The following PLA2G4C variants were observed in gnomAD, a reference collection of about 807,000 sequenced individuals.
The protein encoded by PLA2G4C is phospholipase A2 group IVC.
PLA2G4C carries 64 observed loss-of-function variants against 73.8 expected under a neutral mutation model. The ratio of observed to expected loss-of-function variants is 0.87; its 90% CI spans 0.71 to 1.07. PLA2G4C has a LOEUF of 1.07. PLA2G4C is among the 50% of genes least tolerant of loss of function. The pLI is 0.00. For synonymous variants in PLA2G4C, 254 were observed against 252.1 expected (o/e 1.01, Z -0.07); for missense variants, 622 against 665.4 (o/e 0.93, Z 0.72).
At chr19:48,092,306 C>T (rs908367550) in intron 7 of PLA2G4C, among the ~76,000 whole-genome samples, 12 of 152,182 alleles carry the variant, frequency 7.9e-5, no homozygotes, top group Non-Finnish European at 2.9e-5. Context: ...GCCTCGGCCT[C>T]CCAAAGTGCT....
chr19:48,097,972 T>C, intron 6 of PLA2G4C, 167 bp downstream of exon 6: 1 of 685,170 alleles, frequency 1.5e-6, no homozygotes, highest in Non-Finnish European at 2.4e-6. Context: ...TGGTCACTTC[T>C]GGGACTTCCC....
At chr19:48,066,958 G>GACAC (rs200703260) in intron 13 of PLA2G4C, among the ~76,000 whole-genome samples, 2,127 of 143,884 alleles carry the variant, frequency 0.015, 19 homozygotes, top group African/African-American at 0.028. Flanking sequence ...AACAGAGCAA[G>GACAC]ACACACACAC....
At chr19:48,081,972 TA>T (rs2030602170) in intron 10 of PLA2G4C, among the ~76,000 whole-genome samples, 1 of 151,618 alleles carries the variant, frequency 6.6e-6, no homozygotes, top group South Asian at 2.1e-4. Flanking sequence ...TTCCACCTAC[TA>T]GGGAGGCTGA....
intron 13 of PLA2G4C, among the ~76,000 whole-genome samples, chr19:48,065,192 A>G (rs1335164151): frequency 6.9e-6 from 1 of 145,952 alleles, no homozygotes; most frequent in Non-Finnish European, 1.5e-5. Context: ...TCAATCAAAT[A>G]TATCTAAGAT....
At chr19:48,054,468 A>G (rs1012955570) in intron 15 of PLA2G4C, among the ~76,000 whole-genome samples, 2 of 146,638 alleles carry the variant, frequency 1.4e-5, no homozygotes, top group African/African-American at 5.3e-5. Context: ...CAAGCCCAGC[A>G]ATTTATTTTT....
chr19:48,061,660 C>G (rs374758930), intron 14 of PLA2G4C: 2 of 271,208 alleles, frequency 7.4e-6, no homozygotes, highest in Non-Finnish European at 1.4e-5. Context: ...GGGCTGGAGA[C>G]GTGCACACCC....
rs910672152 is a variant in PLA2G4C, at chr19:48,095,334, G to C, written c.709+130C>G. The C allele has an allele frequency of 3.4e-5, 27 of 805,698 alleles. No homozygotes were observed. The African/African-American group carries it at 3.8e-4, about 11-fold the overall frequency. 49.9% of individuals were successfully genotyped at this position (805,698 alleles called of 1,614,324 possible). A position where few individuals can be genotyped will look rare whatever the true frequency, so the allele number is the denominator to read the frequency against. On this transcript the variant is annotated intron_variant, in intron 7 of 16. Coordinates refer to ENST00000599921, the MANE Select transcript of PLA2G4C (RefSeq NM_003706.3). ...AAGGAATACACCATTCCTCTTTCTG[G>C]AAGCCTACCAAGTCCTTTTCTTTCC... is the stretch of plus-strand genomic sequence containing the variant.
chr19:48,095,346 G>T, intron 7 of PLA2G4C, 118 bp downstream of exon 7: 1 of 901,922 alleles, frequency 1.1e-6, no homozygotes, highest in Non-Finnish European at 1.7e-6. Flanking sequence ...AGCCTACCAA[G>T]TCCTTTTCTT....
rs1442100406 is a variant in PLA2G4C at position 48,099,745 on chromosome 19, G to A, written c.373C>T (p.Gln125Ter). Reference protein sequence around the residue: ...DLAKSLQKTIQAARSENYSLT... With the variant: ...DLAKSLQKTI ...GAGTAATTCTCAGACCTCGCTGCTT[G>A]GATGGTTTTCTGTAGGCTCTTAGCC... The change falls in exon 5 of 17, where the codon CAA becomes TAA. Residue 125 changes from glutamine (Q) to a stop codon, truncating the protein, a stop_gained. Coordinates refer to ENST00000599921, the MANE Select transcript of PLA2G4C (RefSeq NM_003706.3). LOFTEE classifies it high-confidence loss of function. 1.2e-6 allele frequency: 2 copies of A among 1,614,058 alleles called. No individual in the cohort carries two copies. Among genetic ancestry groups the A allele is most frequent in the Admixed American group, 3.3e-5 (2 of 59,994 alleles).
chr19:48,073,579 C>T (rs983508013), intron 12 of PLA2G4C, among the ~76,000 whole-genome samples: 2 of 151,550 alleles, frequency 1.3e-5, no homozygotes, highest in East Asian at 1.9e-4. Flanking sequence ...AGAGGGTGGG[C>T]GTATCAGTCC....
Position 48,095,575 on chromosome 19 carries a change from CGT to C in PLA2G4C, c.596_597del (p.His199ArgfsTer30). On this transcript the variant is annotated frameshift_variant, in exon 7 of 17. Coordinates refer to ENST00000599921, the MANE Select transcript of PLA2G4C (RefSeq NM_003706.3). LOFTEE classifies it high-confidence loss of function. ...AAGGCCCCCAGTGCAGAGAAGCCAG[CGT>C]GGTGAGGGGTGAACTCGAACCAGGT... ...PETWFEFTPH[H>X]AGFSALGAFV... 6.2e-7 allele frequency: 1 copy of C among 1,613,964 alleles called. No individual in the cohort carries two copies. The highest frequency in any genetic ancestry group is 8.5e-7 in the Non-Finnish European group (1 of 1,179,938).
chr19:48,053,214 T>A, intron 15 of PLA2G4C, 67 bp from the exon 16 acceptor site: 1 of 1,327,422 alleles, frequency 7.5e-7, no homozygotes, highest in Non-Finnish European at 1.0e-6. Flanking sequence ...TGCAGATTTT[T>A]GTCTATTTAC....
intron 2 of PLA2G4C, among the ~76,000 whole-genome samples, chr19:48,105,947 CTTCTTTCTTTCT>C (rs1216106059): frequency 1.7e-3 from 16 of 9,164 alleles, no homozygotes; most frequent in Non-Finnish European, 2.0e-3. Context: ...CCCTCCCTCC[CTTCTTTCTTTCT>C]TTCTTTCTTT....
Position 48,088,708 on chromosome 19 carries a change from C to T in PLA2G4C, c.768G>A (p.Gln256=), listed in dbSNP as rs1467990610. The part of the protein sequence containing the change: ...TEVIREYIFD[Q]LRNLTLKGLW... ...TACCTTTCAGGGTCAGATTCCTTAA[C>T]TGGTCTGCAAAAGAGTAGAAGCAGG... The change falls in exon 9 of 17, where the codon CAG becomes CAA. Residue 256 remains glutamine, a synonymous_variant. Transcript: ENST00000599921. The T allele has an allele frequency of 3.1e-6, 5 of 1,606,014 alleles. No individual in the cohort carries two copies. In the African/African-American group the frequency reaches 5.3e-5, roughly 17 times the overall value.
chr19:48,101,954 T>G (rs1010446167), intron 4 of PLA2G4C, among the ~76,000 whole-genome samples: 3 of 151,810 alleles, frequency 2.0e-5, no homozygotes, highest in Non-Finnish European at 4.4e-5. Context: ...GGATTACAGG[T>G]GTGAGCCACT....
At chr19:48,075,118 C>T (rs11564606) in intron 11 of PLA2G4C, among the ~76,000 whole-genome samples, 4,722 of 151,864 alleles carry the variant, frequency 0.031, 93 homozygotes, top group Middle Eastern at 0.082. Context: ...ATCTTTTGCA[C>T]GCTTATTTTC....
At chr19:48,068,980 G>T (rs761876027) in intron 12 of PLA2G4C, among the ~76,000 whole-genome samples, 2 of 151,230 alleles carry the variant, frequency 1.3e-5, no homozygotes, top group Non-Finnish European at 2.9e-5. Flanking sequence ...GGAGGCCCAG[G>T]TGGGTGGGTC....
At chr19:48,062,192 G>A in intron 13 of PLA2G4C, 40 bp from the exon 14 acceptor site, 1 of 1,502,486 alleles carries the variant, frequency 6.7e-7, no homozygotes, top group Non-Finnish European at 8.9e-7. Context: ...CTGCTTCTGG[G>A]GACTGAAAGC....
chr19:48,085,042 G>C lies in PLA2G4C; in HGVS notation c.844+17C>G. The C allele has an allele frequency of 1.3e-6, 2 of 1,588,164 alleles. No homozygotes were observed. The highest frequency in any genetic ancestry group is 1.3e-5 in the African/African-American group (1 of 74,526). ...AATATCTCTAGGCTTTGACCTTTCT[G>C]TTCCCCAAATACTCACCAAAAATAA... is the stretch of plus-strand genomic sequence containing the variant. On this transcript the variant is annotated intron_variant, in intron 10 of 16. Transcript: ENST00000599921.
Sources: gnomAD v4.1 joint callset for allele counts (sites outside exome capture counted in the v4.1 genomes callset) on GRCh38, gnomAD v4.1.1 for gene constraint, MANE v1.5 for transcripts, NCBI Gene and HGNC (gene_info 2026-07-23, HGNC 2026-07-21) for gene names.